Variants in RASEF observed in about 807,000 individuals in gnomAD.
RASEF encodes RAS and EF-hand domain containing.
RASEF carries 68 observed loss-of-function variants against 90.1 expected under a neutral mutation model. The ratio of observed to expected loss-of-function variants is 0.75; its 90% CI spans 0.62 to 0.92. RASEF has a LOEUF of 0.92. RASEF is among the 40% of genes least tolerant of loss of function. The pLI, the probability that RASEF is intolerant of heterozygous loss-of-function variation, is 0.00. For synonymous variants in RASEF, 331 were observed against 345.2 expected (o/e 0.96, Z 0.46); for missense variants, 949 against 937.2 (o/e 1.01, Z -0.16).
At chr9:83,120,816 G>T in the RASEF span, among the ~76,000 whole-genome samples, 1 of 152,156 alleles carries the variant, frequency 6.6e-6, no homozygotes, top group East Asian at 1.9e-4. Context: ...AACAAAGGAA[G>T]GTGATACAGC....
chr9:83,055,411 G>T, intron 1 of RASEF: 2 of 543,728 alleles, frequency 3.7e-6, no homozygotes, highest in Non-Finnish European at 3.3e-6. Context: ...GCTCGCGCAC[G>T]GTGCGCGCAC....
At chr9:83,188,472 C>A in the RASEF span, among the ~76,000 whole-genome samples, 1 of 152,274 alleles carries the variant, frequency 6.6e-6, no homozygotes, top group South Asian at 2.1e-4. Flanking sequence ...AAGCTCCTTG[C>A]GCAACAGAAG....
At chr9:83,143,514 C>T in the RASEF span, among the ~76,000 whole-genome samples, 1 of 151,984 alleles carries the variant, frequency 6.6e-6, no homozygotes, top group African/African-American at 2.4e-5. Flanking sequence ...CAAATTAAGA[C>T]CACAATTTAA....
the RASEF span, among the ~76,000 whole-genome samples, chr9:83,188,563 G>A: frequency 6.6e-6 from 1 of 152,172 alleles, no homozygotes; most frequent in African/African-American, 2.4e-5. Context: ...GCTTGGAATG[G>A]AACAAGAGAC....
the RASEF span, among the ~76,000 whole-genome samples, chr9:83,206,684 G>A: frequency 1.3e-3 from 199 of 152,342 alleles, no homozygotes; most frequent in African/African-American, 4.6e-3. Context: ...ATAACAGCGA[G>A]TACGTGATGA....
the RASEF span, among the ~76,000 whole-genome samples, chr9:83,206,622 C>T: frequency 2.0e-5 from 3 of 152,190 alleles, no homozygotes; most frequent in Admixed American, 6.5e-5. Context: ...ACGCTATATG[C>T]TGATAATTAT....
chr9:83,147,047 T>TATATATATATAC, the RASEF span, among the ~76,000 whole-genome samples: 1 of 148,978 alleles, frequency 6.7e-6, no homozygotes, highest in Non-Finnish European at 1.5e-5. Flanking sequence ...TATGTATATA[T>TATATATATATAC]ATATATATAT....
At chr9:83,121,497 T>C in the RASEF span, among the ~76,000 whole-genome samples, 1 of 152,222 alleles carries the variant, frequency 6.6e-6, no homozygotes, top group Non-Finnish European at 1.5e-5. Context: ...CCTTGAGATA[T>C]GCAGCCTTCC....
intron 4 of RASEF, among the ~76,000 whole-genome samples, chr9:83,013,319 G>A (rs1317101400): frequency 6.6e-6 from 1 of 152,160 alleles, no homozygotes; most frequent in African/African-American, 2.4e-5. Flanking sequence ...GATCAAAATG[G>A]ATCCCACATT....
the RASEF span, among the ~76,000 whole-genome samples, chr9:83,097,441 G>T: frequency 6.6e-6 from 1 of 152,156 alleles, no homozygotes; most frequent in East Asian, 1.9e-4. Flanking sequence ...CACAGCAAAA[G>T]AAACTACCAT....
At chr9:83,016,678 A>G (rs1044788843) in intron 3 of RASEF, among the ~76,000 whole-genome samples, 3 of 152,112 alleles carry the variant, frequency 2.0e-5, no homozygotes, top group African/African-American at 7.2e-5. Context: ...ATTCTAGCAG[A>G]GAAGACAGAA....
At chr9:83,182,980 T>C in the RASEF span, among the ~76,000 whole-genome samples, 1 of 152,126 alleles carries the variant, frequency 6.6e-6, no homozygotes, top group Non-Finnish European at 1.5e-5. Flanking sequence ...TACACATAGC[T>C]GTTACTCCAT....
At position 83,003,012 on chromosome 9, in the gene RASEF, T is replaced by G. The variant is rs145506819; in HGVS notation, c.1202+1486A>C. On this transcript the variant is annotated intron_variant, in intron 9 of 16. Coordinates refer to ENST00000376447, the MANE Select transcript of RASEF (RefSeq NM_152573.4). ...TCAATAATTTCATTATAATTAACTA[T>G]GTAAAAGTACAAAACAAATTAAATC... Among the ~76,000 whole-genome samples the G allele has an allele frequency of 8.8e-3, 1,333 of 152,288 alleles. 21 individuals carry two copies. Among genetic ancestry groups the G allele is most frequent in the African/African-American group, 0.03 (1,248 of 41,554 alleles).
chr9:83,084,799 G>T, the RASEF span, among the ~76,000 whole-genome samples: 1 of 152,046 alleles, frequency 6.6e-6, no homozygotes, highest in Non-Finnish European at 1.5e-5. Context: ...ATGCATATAT[G>T]ATTTTTTTCT....
the RASEF span, among the ~76,000 whole-genome samples, chr9:83,211,189 T>C: frequency 6.6e-6 from 1 of 152,236 alleles, no homozygotes; most frequent in Non-Finnish European, 1.5e-5. Context: ...ATCCTCAGTC[T>C]TTCCTTGACT....
chr9:83,048,945 A>C (rs976138263), intron 1 of RASEF: 1 of 177,094 alleles, frequency 5.6e-6, no homozygotes, highest in African/African-American at 2.4e-5. Flanking sequence ...CATGGCCAAC[A>C]CAGTACTATC....
At chr9:83,140,755 A>G in the RASEF span, among the ~76,000 whole-genome samples, 1 of 152,314 alleles carries the variant, frequency 6.6e-6, no homozygotes, top group South Asian at 2.1e-4. Flanking sequence ...TCAGAAAAAT[A>G]ATTTAGAAAG....
the RASEF span, among the ~76,000 whole-genome samples, chr9:83,172,773 A>T: frequency 6.6e-6 from 1 of 151,954 alleles, no homozygotes; most frequent in Non-Finnish European, 1.5e-5. Context: ...TTTTCATGCT[A>T]AAGATAGCAG....
chr9:83,094,926 G>A, the RASEF span, among the ~76,000 whole-genome samples: 2 of 152,136 alleles, frequency 1.3e-5, no homozygotes, highest in Non-Finnish European at 2.9e-5. Flanking sequence ...AATAATTAAG[G>A]TAGCCTCACG....
Sources: gnomAD v4.1 joint callset for allele counts (sites outside exome capture counted in the v4.1 genomes callset) on GRCh38, gnomAD v4.1.1 for gene constraint, MANE v1.5 for transcripts, NCBI Gene and HGNC (gene_info 2026-07-23, HGNC 2026-07-21) for gene names.